BCL2: variants seen among roughly 807,000 people sequenced by gnomAD.
The protein encoded by BCL2 is apoptosis regulator Bcl-2.
In BCL2, 1 loss-of-function variant was observed where a neutral mutation model predicts 14.2. That is an observed-to-expected ratio of 0.07 (90% CI 0.02 to 0.33). The LOEUF is 0.33. Ranked by LOEUF, BCL2 falls within the 10% of genes least tolerant of loss-of-function variation. The probability of loss-of-function intolerance (pLI) is 0.99; values close to 1 mark genes in which losing one functional copy is unlikely to be tolerated. For missense variants in BCL2, 247 were observed against 305.9 expected (o/e 0.81, Z 1.44); for synonymous variants, 151 against 137.2 (o/e 1.10, Z -0.70).
chr18:63,180,926 A>C (rs1915468001), intron 2 of BCL2, among the ~76,000 whole-genome samples: 1 of 152,232 alleles, frequency 6.6e-6, no homozygotes, highest in Admixed American at 6.5e-5. Flanking sequence ...CACAATGCCC[A>C]GTGGAAACGT....
intron 2 of BCL2, among the ~76,000 whole-genome samples, chr18:63,305,197 AAAG>A (rs1253463739): frequency 6.6e-6 from 1 of 152,224 alleles, no homozygotes; most frequent in Non-Finnish European, 1.5e-5. Flanking sequence ...ACCAGAAACA[AAAG>A]ACTGCATTCC....
At chr18:63,316,152 TA>T (rs1244552355) in intron 2 of BCL2, 1 of 152,448 alleles carries the variant, frequency 6.6e-6, no homozygotes, top group African/African-American at 2.4e-5. Flanking sequence ...AGCCTTTACT[TA>T]AAAAGAAACT....
rs1913866787 is a variant in BCL2, at chr18:63,124,699, C to T, written c.*3926G>A. The T allele has an allele frequency of 4.5e-6, 1 of 224,708 alleles. No individual in the cohort carries two copies. The highest frequency in any genetic ancestry group is 2.2e-5 in the African/African-American group (1 of 44,810). The allele number at this position is 224,708 out of a possible 1,614,324, so 13.9% of individuals were successfully genotyped here. A position where few individuals can be genotyped will look rare whatever the true frequency, so the allele number is the denominator to read the frequency against. On this transcript the variant is annotated 3_prime_UTR_variant, in exon 3 of 3. Coordinates refer to ENST00000333681, the MANE Select transcript of BCL2 (RefSeq NM_000633.3). ...AATAACAATAAAGATCTGATTGGAACCTTCATAAGCTTGACAATGTAGAAT... is the reference window on the plus strand; with the variant it reads ...AATAACAATAAAGATCTGATTGGAATCTTCATAAGCTTGACAATGTAGAAT...
At chr18:63,274,435 C>T (rs758360343) in intron 2 of BCL2, among the ~76,000 whole-genome samples, 3 of 151,832 alleles carry the variant, frequency 2.0e-5, no homozygotes, top group Non-Finnish European at 4.4e-5. Flanking sequence ...CAGGTGCCCG[C>T]TACCATGCCC....
chr18:63,235,850 C>T (rs896163797), intron 2 of BCL2, among the ~76,000 whole-genome samples: 5 of 151,404 alleles, frequency 3.3e-5, no homozygotes, highest in African/African-American at 1.2e-4. Flanking sequence ...TTTTATCTTT[C>T]ACATGTGTGT....
At chr18:63,234,184 C>T (rs1910760755) in intron 2 of BCL2, among the ~76,000 whole-genome samples, 1 of 152,110 alleles carries the variant, frequency 6.6e-6, no homozygotes. Context: ...CCTATCAACC[C>T]ATCACCTAGG....
At position 63,126,832 on chromosome 18, in the gene BCL2, G is replaced by A. The variant is rs1024613027; in HGVS notation, c.*1793C>T. 8 of 227,990 alleles carry A rather than the reference G, an allele frequency of 3.5e-5. No homozygotes were observed. The highest frequency in any genetic ancestry group is 5.7e-5 in the Admixed American group (1 of 17,560). 14.1% of individuals were successfully genotyped at this position (227,990 alleles called of 1,614,324 possible). ...CATGTATTTTTTTAAAGCAGCTTTC[G>A]AAATATCAACCACAGCATTAAACAT... On this transcript the variant is annotated 3_prime_UTR_variant, in exon 3 of 3. Transcript: ENST00000333681.
At chr18:63,312,471 A>C (rs1363608898) in intron 2 of BCL2, among the ~76,000 whole-genome samples, 1 of 152,258 alleles carries the variant, frequency 6.6e-6, no homozygotes, top group Non-Finnish European at 1.5e-5. Flanking sequence ...GACAATCTAT[A>C]AAAATATGTT....
At chr18:63,301,419 C>G (rs754926554) in intron 2 of BCL2, among the ~76,000 whole-genome samples, 3 of 152,136 alleles carry the variant, frequency 2.0e-5, no homozygotes, top group Non-Finnish European at 4.4e-5. Context: ...ACACACACAC[C>G]ACATACATAC....
intron 2 of BCL2, among the ~76,000 whole-genome samples, chr18:63,140,223 G>T (rs1914319303): frequency 6.6e-6 from 1 of 152,234 alleles, no homozygotes; most frequent in Non-Finnish European, 1.5e-5. Context: ...TGCAGCCATT[G>T]TGGGAAAACA....
chr18:63,162,926 C>A (rs1914959424), intron 2 of BCL2, among the ~76,000 whole-genome samples: 1 of 152,146 alleles, frequency 6.6e-6, no homozygotes, highest in African/African-American at 2.4e-5. Context: ...GCAATTATAG[C>A]TCACTGCAGC....
chr18:63,124,029 T>C lies in BCL2; in HGVS notation c.*4596A>G, dbSNP rs1913845374. On this transcript the variant is annotated 3_prime_UTR_variant, in exon 3 of 3. Transcript: ENST00000333681. ...TGATAGGATGTTTGCTTGAAGTTAT[T>C]TTTCTGGGGCAGTCCAGATGAACCG... is the stretch of plus-strand genomic sequence containing the variant. The C allele has an allele frequency of 4.5e-6, 1 of 221,600 alleles. No individual in the cohort carries two copies. The highest frequency in any genetic ancestry group is 6.5e-5 in the East Asian group (1 of 15,290). 13.7% of individuals were successfully genotyped at this position (221,600 alleles called of 1,614,324 possible).
chr18:63,227,240 G>T (rs1413651862), intron 2 of BCL2, among the ~76,000 whole-genome samples: 2 of 152,188 alleles, frequency 1.3e-5, no homozygotes, highest in African/African-American at 4.8e-5. Flanking sequence ...GACCAAGAGT[G>T]AATTAAAGAT....
At chr18:63,255,852 T>A (rs373998129) in intron 2 of BCL2, among the ~76,000 whole-genome samples, 1 of 151,554 alleles carries the variant, frequency 6.6e-6, no homozygotes, top group Non-Finnish European at 1.5e-5. Context: ...CACACAAACA[T>A]TTCTTACCAA....
intron 2 of BCL2, among the ~76,000 whole-genome samples, chr18:63,138,177 C>T (rs904022887): frequency 2.0e-5 from 3 of 152,238 alleles, no homozygotes; most frequent in Non-Finnish European, 2.9e-5. Flanking sequence ...AGAGTTGGCT[C>T]AGAGCAAGAG....
chr18:63,276,044 T>C (rs1222584331), intron 2 of BCL2, among the ~76,000 whole-genome samples: 1 of 152,302 alleles, frequency 6.6e-6, no homozygotes, highest in East Asian at 1.9e-4. Context: ...AAGGACACCA[T>C]GGGGTGCCCC....
intron 2 of BCL2, among the ~76,000 whole-genome samples, chr18:63,297,200 G>C (rs1254187341): frequency 6.6e-6 from 1 of 151,520 alleles, no homozygotes; most frequent in African/African-American, 2.4e-5. Context: ...GCGACACAGC[G>C]AAACTCTGTC....
At chr18:63,183,239 C>A (rs1203167066) in intron 2 of BCL2, among the ~76,000 whole-genome samples, 1 of 152,116 alleles carries the variant, frequency 6.6e-6, no homozygotes, top group African/African-American at 2.4e-5. Flanking sequence ...GGAAATGACC[C>A]CTCTGGACAC....
At chr18:63,228,305 C>A (rs1054991935) in intron 2 of BCL2, among the ~76,000 whole-genome samples, 3 of 152,170 alleles carry the variant, frequency 2.0e-5, no homozygotes, top group Admixed American at 2.0e-4. Context: ...TGGTGGGACA[C>A]AAACATTCAG....
Sources: gnomAD v4.1 joint callset for allele counts (sites outside exome capture counted in the v4.1 genomes callset) on GRCh38, gnomAD v4.1.1 for gene constraint, MANE v1.5 for transcripts, NCBI Gene and HGNC (gene_info 2026-07-23, HGNC 2026-07-21) for gene names.